The following SPATS2 variants were observed in gnomAD, a reference collection of about 807,000 sequenced individuals.
SPATS2 encodes spermatogenesis associated serine rich 2, also known as spermatogenesis-associated serine-rich protein 2.
A neutral mutation model predicts 63.7 loss-of-function variants in SPATS2; 38 were observed. That is an observed-to-expected ratio of 0.60 (90% CI 0.46 to 0.78). The LOEUF is 0.78. Ranked by LOEUF, SPATS2 falls within the 30% of genes least tolerant of loss-of-function variation. The pLI is 0.00. For missense variants in SPATS2, 588 were observed against 666.2 expected, an observed-to-expected ratio of 0.88 and a Z score of 1.29; for synonymous variants, 207 against 232.9, an observed-to-expected ratio of 0.89 and a Z score of 1.01.
At chr12:49,506,924 T>G (rs576371621) in intron 9 of SPATS2, among the ~76,000 whole-genome samples, 2 of 152,260 alleles carry the variant, frequency 1.3e-5, no homozygotes, top group African/African-American at 4.8e-5. Flanking sequence ...TTGTTTCCTC[T>G]TCAGCTTAAA....
chr12:49,485,900 C>T (rs529283748), intron 4 of SPATS2, among the ~76,000 whole-genome samples: 1 of 151,664 alleles, frequency 6.6e-6, no homozygotes, highest in African/African-American at 2.4e-5. Flanking sequence ...GCTGGAATTA[C>T]AGGCATCTGC....
intron 5 of SPATS2, chr12:49,490,256 T>C (rs1031110286): frequency 1.3e-5 from 2 of 156,040 alleles, no homozygotes; most frequent in Admixed American, 1.3e-4. Flanking sequence ...TTTTAAAAAA[T>C]AATGTTAGTG....
Position 49,494,987 on chromosome 12 carries a change from A to G in SPATS2, c.511A>G (p.Thr171Ala). The G allele has an allele frequency of 3.1e-6, 5 of 1,610,916 alleles. No homozygotes were observed. The highest frequency in any genetic ancestry group is 4.2e-6 in the Non-Finnish European group (5 of 1,178,566). The change falls in exon 7 of 14, where the codon ACG (threonine) becomes GCG (alanine). Residue 171 changes from threonine to alanine, a missense_variant. By Grantham distance (58) the Thr-to-Ala change is moderately conservative. Coordinates refer to ENST00000552918, the MANE Select transcript of SPATS2 (RefSeq NM_023071.4). ...LEDPESAMLD[T>A]LDRTGSMLQN... ...GGATCCCGAGTCTGCCATGCTAGAT[A>G]CGCTGGATAGAACAGGTGAGTTTAT...
intron 2 of SPATS2, among the ~76,000 whole-genome samples, chr12:49,452,199 A>C (rs966351528): frequency 6.6e-6 from 1 of 152,140 alleles, no homozygotes; most frequent in South Asian, 2.1e-4. Context: ...CCTCTTTCAC[A>C]TCACTTCTTC....
chr12:49,384,650 C>T (rs1304574101), intron 2 of SPATS2, among the ~76,000 whole-genome samples: 1 of 152,050 alleles, frequency 6.6e-6, no homozygotes, highest in African/African-American at 2.4e-5. Context: ...AATCATAGAA[C>T]CCTAATGTGT....
intron 3 of SPATS2, among the ~76,000 whole-genome samples, chr12:49,479,901 C>A (rs1437715036): frequency 2.0e-5 from 3 of 152,140 alleles, no homozygotes; most frequent in Non-Finnish European, 4.4e-5. Context: ...AAGCATAAAA[C>A]CTGGACTGCC....
At chr12:49,425,655 G>T (rs1442164270) in intron 2 of SPATS2, among the ~76,000 whole-genome samples, 1 of 151,200 alleles carries the variant, frequency 6.6e-6, no homozygotes, top group East Asian at 2.0e-4. Context: ...TTTTGAGACG[G>T]AGTCTTCTCT....
intron 9 of SPATS2, among the ~76,000 whole-genome samples, chr12:49,509,975 G>A (rs1158678671): frequency 6.6e-6 from 1 of 152,004 alleles, no homozygotes; most frequent in African/African-American, 2.4e-5. Flanking sequence ...TAGGTTTTAA[G>A]GCCATTTATG....
At chr12:49,490,828 A>G in intron 6 of SPATS2, 97 bp downstream of exon 6, 1 of 1,150,842 alleles carries the variant, frequency 8.7e-7, no homozygotes, top group South Asian at 1.4e-5. Flanking sequence ...TCACATACAT[A>G]TCTTCTGTTT....
intron 9 of SPATS2, among the ~76,000 whole-genome samples, chr12:49,504,521 T>TAA: frequency 6.6e-6 from 1 of 152,230 alleles, no homozygotes; most frequent in East Asian, 1.9e-4. Flanking sequence ...TATAATGTGT[T>TAA]GATGAAAAAT....
chr12:49,476,865 GGAGGCC>G (rs1212201883), intron 3 of SPATS2, among the ~76,000 whole-genome samples: 13 of 152,342 alleles, frequency 8.5e-5, no homozygotes, highest in Non-Finnish European at 1.9e-4. Context: ...CAGCACTTTG[GGAGGCC>G]GAGGCGGGCG....
At chr12:49,467,298 G>A (rs1945939861) in intron 3 of SPATS2, among the ~76,000 whole-genome samples, 3 of 149,250 alleles carry the variant, frequency 2.0e-5, no homozygotes, top group Admixed American at 6.9e-5. Context: ...TCCTGACCTC[G>A]TGATCCGCCC....
intron 2 of SPATS2, among the ~76,000 whole-genome samples, chr12:49,387,684 GA>G (rs1944343632): frequency 6.6e-6 from 1 of 150,500 alleles, no homozygotes; most frequent in South Asian, 2.1e-4. Context: ...GGAGATGAGA[GA>G]TGTGGGAGTC....
At chr12:49,397,450 A>G (rs1253798396) in intron 2 of SPATS2, among the ~76,000 whole-genome samples, 1 of 152,154 alleles carries the variant, frequency 6.6e-6, no homozygotes, top group Non-Finnish European at 1.5e-5. Context: ...TAAGCTAGGA[A>G]AGTGCAGGAC....
chr12:49,513,086 C>T (rs1207852775), intron 9 of SPATS2, among the ~76,000 whole-genome samples: 1 of 152,196 alleles, frequency 6.6e-6, no homozygotes, highest in Non-Finnish European at 1.5e-5. Flanking sequence ...AAAAGATTTG[C>T]TCCTTGAGGA....
At chr12:49,383,687 C>T (rs1944262512) in intron 2 of SPATS2, among the ~76,000 whole-genome samples, 1 of 152,160 alleles carries the variant, frequency 6.6e-6, no homozygotes, top group African/African-American at 2.4e-5. Flanking sequence ...TAGACATGAG[C>T]CATCTTGCCC....
At chr12:49,399,516 A>G (rs1944568733) in intron 2 of SPATS2, among the ~76,000 whole-genome samples, 1 of 152,248 alleles carries the variant, frequency 6.6e-6, no homozygotes, top group South Asian at 2.1e-4. Context: ...AGGCATAGCA[A>G]GGCATCTTGT....
rs146884207 is a variant in SPATS2, at chr12:49,472,137, C to T, written c.25+11100C>T. The stretch of plus-strand genomic sequence containing the variant: ...TGGGTGACAGAGCAAGACTCTTTGT[C>T]TCAAAAGCGCCCCCCAAAACAAAAA... On this transcript the variant is annotated intron_variant, in intron 3 of 13. Coordinates refer to ENST00000552918, the MANE Select transcript of SPATS2 (RefSeq NM_023071.4). 2.8e-4 allele frequency among the ~76,000 whole-genome samples: 43 copies of T among 152,126 alleles called. No homozygotes were observed. The East Asian group carries it at 8.1e-3, about 29-fold the overall frequency.
At chr12:49,511,771 T>G (rs1168697787) in intron 9 of SPATS2, among the ~76,000 whole-genome samples, 1 of 152,344 alleles carries the variant, frequency 6.6e-6, no homozygotes. Context: ...TAGATTATTG[T>G]TTTTAATTGT....
Sources: gnomAD v4.1 joint callset for allele counts (sites outside exome capture counted in the v4.1 genomes callset) on GRCh38, gnomAD v4.1.1 for gene constraint, MANE v1.5 for transcripts, NCBI Gene and HGNC (gene_info 2026-07-23, HGNC 2026-07-21) for gene names.